TSHR: variants seen among roughly 807,000 people sequenced by gnomAD.
TSHR encodes the protein thyroid stimulating hormone receptor.
Under a neutral mutation model 64.1 loss-of-function variants are expected in TSHR, and 51 were observed. The ratio of observed to expected loss-of-function variants is 0.80; its 90% confidence interval spans 0.64 to 1.01. The LOEUF (loss-of-function observed/expected upper bound fraction) is 1.01. Among genes scored for constraint, TSHR ranks in the 50% least tolerant of loss-of-function variants. The probability of loss-of-function intolerance (pLI) is 0.00; values close to 1 mark genes in which losing one functional copy is unlikely to be tolerated. For missense variants in TSHR, 877 were observed against 942.8 expected, an observed-to-expected ratio of 0.93 and a Z score of 0.91; for synonymous variants, 361 against 361.9, an observed-to-expected ratio of 1.00 and a Z score of 0.03.
chr14:81,144,098 T>A lies in TSHR; in HGVS notation c.2040T>A (p.Ile680=), dbSNP rs1230189182. Residue 680 remains isoleucine, a synonymous_variant, in exon 10 of 10, where the codon ATT becomes ATA. Transcript: ENST00000298171. ...GTGCCAATCCATTCCTCTATGCTAT[T>A]TTCACCAAGGCCTTCCAGAGGGATG... The part of the protein sequence containing the change: ...NSCANPFLYA[I]FTKAFQRDVF... 1.9e-6 allele frequency: 3 copies of A among 1,614,160 alleles called. No homozygotes were observed. In the South Asian group the frequency reaches 3.3e-5, roughly 18 times the overall value.
At position 81,068,348 on chromosome 14, in the gene TSHR, C is replaced by A. The variant is rs1192908274; in HGVS notation, c.317+20C>A. ...TCACATGTAAGTACAAGGAAAAGTGCAGCATAGACCTAAGCCACAACCACT... is the reference window on the plus strand; with the variant it reads ...TCACATGTAAGTACAAGGAAAAGTGAAGCATAGACCTAAGCCACAACCACT... On this transcript the variant is annotated intron_variant, in intron 3 of 9. Transcript: ENST00000298171. 11 of 1,609,790 alleles carry A rather than the reference C, an allele frequency of 6.8e-6. No homozygotes were observed. Among genetic ancestry groups the A allele is most frequent in the Non-Finnish European group, 9.3e-6 (11 of 1,177,204 alleles).
chr14:81,018,373 T>A (rs1883540474), intron 1 of TSHR, among the ~76,000 whole-genome samples: 1 of 152,222 alleles, frequency 6.6e-6, no homozygotes, highest in African/African-American at 2.4e-5. Flanking sequence ...CAGTCAGTTA[T>A]CCAGTAGGGT....
At chr14:81,056,758 A>G (rs1284167580) in intron 1 of TSHR, among the ~76,000 whole-genome samples, 1 of 152,164 alleles carries the variant, frequency 6.6e-6, no homozygotes, top group Non-Finnish European at 1.5e-5. Flanking sequence ...TTGACCCTAC[A>G]TAATAACTCA....
intron 9 of TSHR, among the ~76,000 whole-genome samples, chr14:81,140,149 G>T (rs1294523065): frequency 6.6e-6 from 1 of 152,178 alleles, no homozygotes; most frequent in Non-Finnish European, 1.5e-5. Context: ...TCTTGTAGAG[G>T]TTATGTAGAT....
chr14:81,011,409 T>C (rs926793499), intron 1 of TSHR, among the ~76,000 whole-genome samples: 2 of 152,146 alleles, frequency 1.3e-5, no homozygotes, highest in Admixed American at 6.5e-5. Context: ...TTATATTTTT[T>C]GGATACATCA....
rs180951968 is a variant in TSHR at position 81,047,151 on chromosome 14, T to G, written c.171-14997T>G. On this transcript the variant is annotated intron_variant, in intron 1 of 9. Coordinates refer to ENST00000298171, the MANE Select transcript of TSHR (RefSeq NM_000369.5). ...ACAGGCATAGTGGGTAGAAAATATG[T>G]GGTTTTAAATCAATGTATAATAATT... Among the ~76,000 whole-genome samples the G allele has an allele frequency of 2.0e-5, 3 of 152,300 alleles. No individual in the cohort carries two copies. In the East Asian group the frequency reaches 5.8e-4, roughly 29 times the overall value.
intron 3 of TSHR, among the ~76,000 whole-genome samples, chr14:81,068,726 G>A (rs987618988): frequency 6.6e-6 from 1 of 152,184 alleles, no homozygotes; most frequent in African/African-American, 2.4e-5. Flanking sequence ...GGTGAGATTA[G>A]AATAGTAGGG....
At chr14:80,986,777 G>A (rs1888477058) in intron 1 of TSHR, among the ~76,000 whole-genome samples, 1 of 152,210 alleles carries the variant, frequency 6.6e-6, no homozygotes, top group Non-Finnish European at 1.5e-5. Flanking sequence ...GTGAGCCACT[G>A]CTCCCGGCCT....
chr14:81,046,001 T>G (rs1309983100), intron 1 of TSHR, among the ~76,000 whole-genome samples: 3 of 152,200 alleles, frequency 2.0e-5, no homozygotes, highest in Non-Finnish European at 2.9e-5. Context: ...TTGATAAGGA[T>G]GGCTGAATGC....
chr14:80,962,342 A>C (rs1325179042), intron 1 of TSHR, among the ~76,000 whole-genome samples: 1 of 145,356 alleles, frequency 6.9e-6, no homozygotes, highest in Non-Finnish European at 1.5e-5. Flanking sequence ...AACAACAGAA[A>C]TTTACTCTCT....
chr14:81,038,090 A>G (rs1407698165), intron 1 of TSHR, among the ~76,000 whole-genome samples: 3 of 152,078 alleles, frequency 2.0e-5, no homozygotes, highest in Non-Finnish European at 2.9e-5. Flanking sequence ...AGGCCACAAA[A>G]CAAGTCTCAA....
At chr14:80,982,412 T>C in intron 1 of TSHR, 2 of 1,245,726 alleles carry the variant, frequency 1.6e-6, no homozygotes, top group Admixed American at 2.2e-5. Flanking sequence ...AAACCTGAAA[T>C]TGGTGCCCAG....
rs1224462432 is a variant in TSHR at position 81,092,454 on chromosome 14, T to C, written c.468-77T>C. The C allele has an allele frequency of 3.2e-6, 4 of 1,247,032 alleles. No individual in the cohort carries two copies. In the Admixed American group the frequency reaches 6.7e-5, roughly 21 times the overall value. 77.2% of individuals were successfully genotyped at this position (1,247,032 alleles called of 1,614,324 possible). On this transcript the variant is annotated intron_variant, in intron 5 of 9. Coordinates refer to ENST00000298171, the MANE Select transcript of TSHR (RefSeq NM_000369.5). ...GCTATATTGTGTCCTGTTATTTAAG[T>C]GCATATGCGCAGCAAGACCCCTGCT...
chr14:81,109,055 T>A (rs1381367588), intron 8 of TSHR: 36 of 1,095,390 alleles, frequency 3.3e-5, no homozygotes, highest in Non-Finnish European at 1.0e-5. Context: ...ACCTTCCTCA[T>A]TCCCTTGGTT....
chr14:81,102,008 A>G (rs1889611639), intron 7 of TSHR, among the ~76,000 whole-genome samples: 1 of 151,964 alleles, frequency 6.6e-6, no homozygotes, highest in African/African-American at 2.4e-5. Flanking sequence ...CGTCTCTACT[A>G]AAAATACAAA....
At chr14:81,046,628 AC>A (rs952115602) in intron 1 of TSHR, among the ~76,000 whole-genome samples, 3 of 152,116 alleles carry the variant, frequency 2.0e-5, no homozygotes, top group Non-Finnish European at 4.4e-5. Context: ...AGAGAAAAAA[AC>A]ATAAAGAAAA....
chr14:81,062,050 A>G (rs1184168107), intron 1 of TSHR, 98 bp from the exon 2 acceptor site: 6 of 1,078,032 alleles, frequency 5.6e-6, no homozygotes, highest in Non-Finnish European at 8.3e-6. Flanking sequence ...TATTGTGAAA[A>G]CTGTCATGCT....
intron 8 of TSHR, among the ~76,000 whole-genome samples, chr14:81,114,206 C>A (rs1890366532): frequency 1.3e-5 from 2 of 151,768 alleles, no homozygotes; most frequent in African/African-American, 4.8e-5. Context: ...CAGCTCCGGT[C>A]TACAGCTCCC....
chr14:81,141,997 C>T (rs1891708754), intron 9 of TSHR, among the ~76,000 whole-genome samples: 1 of 152,134 alleles, frequency 6.6e-6, no homozygotes, highest in Non-Finnish European at 1.5e-5. Context: ...TCCCATGTTA[C>T]AAATGAGTTA....
Sources: allele counts gnomAD v4.1 joint callset (sites outside exome capture counted in the v4.1 genomes callset), GRCh38; gene constraint gnomAD v4.1.1; transcripts MANE v1.5; gene names NCBI Gene and HGNC (gene_info 2026-07-23, HGNC 2026-07-21).